Variants in MACROD2 observed in about 807,000 individuals in gnomAD.
MACROD2 encodes mono-ADP ribosylhydrolase 2.
MACROD2 carries 36 observed loss-of-function variants against 70.4 expected under a neutral mutation model. The observed-to-expected ratio is 0.51, with a 90% CI of 0.39 to 0.68. MACROD2 has a LOEUF of 0.68. Among genes scored for constraint, MACROD2 ranks in the 30% least tolerant of loss-of-function variants. The pLI, the probability that MACROD2 is intolerant of heterozygous loss-of-function variation, is 0.00. For missense variants in MACROD2, 496 were observed against 538.4 expected (o/e 0.92, Z 0.78); for synonymous variants, 172 against 178.8 (o/e 0.96, Z 0.30).
intron 8 of MACROD2, among the ~76,000 whole-genome samples, chr20:15,774,564 A>G (rs2051689872): frequency 6.6e-6 from 1 of 152,036 alleles, no homozygotes; most frequent in South Asian, 2.1e-4. Flanking sequence ...CTGAGTGTGA[A>G]AGAAGGGAAG....
chr20:14,311,808 G>A (rs6110241), intron 3 of MACROD2, among the ~76,000 whole-genome samples: 27,803 of 152,006 alleles, frequency 0.18, 2,905 homozygotes, highest in East Asian at 0.31. Context: ...GTGAGCCACC[G>A]CACCCGGCCT....
intron 4 of MACROD2, among the ~76,000 whole-genome samples, chr20:14,520,033 G>C (rs2085147480): frequency 6.6e-6 from 1 of 152,074 alleles, no homozygotes; most frequent in African/African-American, 2.4e-5. Flanking sequence ...TGGACACAAA[G>C]AGGCAAACAA....
At chr20:14,833,508 C>A (rs149953426) in intron 5 of MACROD2, among the ~76,000 whole-genome samples, 117 of 152,118 alleles carry the variant, frequency 7.7e-4, no homozygotes, top group African/African-American at 2.6e-3. Context: ...TCTGTTTTTA[C>A]GATTCTGAAG....
At chr20:15,462,132 G>T (rs1172130218) in intron 7 of MACROD2, among the ~76,000 whole-genome samples, 1 of 152,076 alleles carries the variant, frequency 6.6e-6, no homozygotes, top group Non-Finnish European at 1.5e-5. Flanking sequence ...TTTCCAGATG[G>T]AATTCCCTTC....
chr20:15,749,541 A>G (rs1479588557), intron 8 of MACROD2, among the ~76,000 whole-genome samples: 1 of 152,026 alleles, frequency 6.6e-6, no homozygotes, highest in African/African-American at 2.4e-5. Flanking sequence ...TTTTTGTGAC[A>G]TTGACTTTTC....
intron 6 of MACROD2, among the ~76,000 whole-genome samples, chr20:15,290,616 T>C (rs1179860394): frequency 6.6e-6 from 1 of 152,224 alleles, no homozygotes; most frequent in African/African-American, 2.4e-5. Context: ...ATGAAGGTAT[T>C]GAAAGGCTGT....
intron 15 of MACROD2, among the ~76,000 whole-genome samples, chr20:16,020,157 TTC>T (rs1376758818): frequency 3.3e-5 from 5 of 152,114 alleles, no homozygotes; most frequent in African/African-American, 1.2e-4. Context: ...CAAAGGCTGG[TTC>T]CTGTTGCCTC....
At chr20:14,402,618 GT>G in intron 3 of MACROD2, among the ~76,000 whole-genome samples, 1 of 152,184 alleles carries the variant, frequency 6.6e-6, no homozygotes, top group South Asian at 2.1e-4. Context: ...TAGAAAATGT[GT>G]CTCAGTTACA....
intron 4 of MACROD2, among the ~76,000 whole-genome samples, chr20:14,567,564 G>A (rs1401093152): frequency 6.6e-6 from 1 of 151,972 alleles, no homozygotes; most frequent in African/African-American, 2.4e-5. Flanking sequence ...TTATGGTGAT[G>A]ACCATTTTGA....
In MACROD2 at chr20:15,603,504, CAAAA is replaced by C. The variant is rs35734719; in HGVS notation, c.645+103672_645+103675del. Among the ~76,000 whole-genome samples, 30 of 97,958 alleles carry C rather than the reference CAAAA, an allele frequency of 3.1e-4. 1 individual carries two copies. The highest frequency in any genetic ancestry group is 9.6e-4 in the African/African-American group (28 of 29,198). The allele number at this position is 97,958 out of a possible 152,430, so 64.3% of individuals were successfully genotyped here. A position where few individuals can be genotyped will look rare whatever the true frequency, so the allele number is the denominator to read the frequency against. Reference sequence around the variant, plus strand: ...GCCTGGGTGACAGAGTGAGACGTCTCAAAAAAAAAAAAAAAAAAGATATAAGGGA... The same window carrying C: ...GCCTGGGTGACAGAGTGAGACGTCTCAAAAAAAAAAAAAAGATATAAGGGA... On this transcript the variant is annotated intron_variant, in intron 8 of 17. Coordinates refer to ENST00000684519, the MANE Select transcript of MACROD2 (RefSeq NM_001351661.2).
At chr20:15,187,152 C>T (rs182550559) in intron 5 of MACROD2, among the ~76,000 whole-genome samples, 1 of 152,262 alleles carries the variant, frequency 6.6e-6, no homozygotes. Context: ...TAGGAGGCTG[C>T]TTTGGAGTCC....
At chr20:15,279,609 C>T (rs926422032) in intron 6 of MACROD2, among the ~76,000 whole-genome samples, 6 of 152,102 alleles carry the variant, frequency 3.9e-5, no homozygotes, top group African/African-American at 9.7e-5. Flanking sequence ...TATAGCAATT[C>T]CCAATCATGA....
chr20:15,286,466 A>G (rs57632527), intron 6 of MACROD2, among the ~76,000 whole-genome samples: 23,994 of 152,096 alleles, frequency 0.16, 2,197 homozygotes, highest in African/African-American at 0.25. Flanking sequence ...AAGTCTGGGG[A>G]CATACACAAA....
At chr20:14,163,108 C>T (rs1022673752) in intron 3 of MACROD2, among the ~76,000 whole-genome samples, 5 of 151,998 alleles carry the variant, frequency 3.3e-5, no homozygotes, top group African/African-American at 1.2e-4. Flanking sequence ...ATGTAGGACT[C>T]CCTTAAGCCT....
chr20:14,967,537 T>C (rs1176161784), intron 5 of MACROD2, among the ~76,000 whole-genome samples: 3 of 152,172 alleles, frequency 2.0e-5, no homozygotes, highest in Non-Finnish European at 4.4e-5. Flanking sequence ...AGATATAGAC[T>C]GTGAATATTA....
At chr20:14,281,354 A>G (rs1224690675) in intron 3 of MACROD2, among the ~76,000 whole-genome samples, 2 of 152,220 alleles carry the variant, frequency 1.3e-5, no homozygotes, top group African/African-American at 4.8e-5. Flanking sequence ...TTTACATGAA[A>G]TGTCCAGAAT....
At chr20:14,038,778 GTA>G (rs1821350107) in intron 2 of MACROD2, among the ~76,000 whole-genome samples, 1 of 152,086 alleles carries the variant, frequency 6.6e-6, no homozygotes, top group African/African-American at 2.4e-5. Flanking sequence ...GTCTCAGCAA[GTA>G]TATGTGTAAT....
chr20:15,272,706 G>A (rs1360189114), intron 6 of MACROD2, among the ~76,000 whole-genome samples: 1 of 152,138 alleles, frequency 6.6e-6, no homozygotes, highest in Non-Finnish European at 1.5e-5. Flanking sequence ...AATTACTTCT[G>A]AATACAGTAT....
intron 5 of MACROD2, among the ~76,000 whole-genome samples, chr20:15,166,672 A>G (rs891071802): frequency 6.6e-6 from 1 of 152,052 alleles, no homozygotes; most frequent in Non-Finnish European, 1.5e-5. Flanking sequence ...AACAAATTAC[A>G]GATAAAAGAG....
Sources: allele counts gnomAD v4.1 joint callset (sites outside exome capture counted in the v4.1 genomes callset), GRCh38; gene constraint gnomAD v4.1.1; transcripts MANE v1.5; gene names NCBI Gene and HGNC (gene_info 2026-07-23, HGNC 2026-07-21).